The following CELSR1 variants were observed in gnomAD, a reference collection of about 807,000 sequenced individuals.
CELSR1 encodes the protein adhesion G protein-coupled receptor C1.
Under a neutral mutation model 249.1 loss-of-function variants are expected in CELSR1, and 110 were observed. The ratio of observed to expected loss-of-function variants is 0.44; its 90% CI spans 0.38 to 0.52. The LOEUF (loss-of-function observed/expected upper bound fraction) is 0.52, where lower values mean the gene tolerates loss of function less well. Ranked by LOEUF, CELSR1 falls within the 20% of genes least tolerant of loss-of-function variation. The probability of loss-of-function intolerance (pLI) is 0.00; values close to 1 mark genes in which losing one functional copy is unlikely to be tolerated. For missense variants in CELSR1, 4,109 were observed against 4,296.4 expected (o/e 0.96, Z 1.22); for synonymous variants, 2,113 against 1,900.0 (o/e 1.11, Z -2.92).
Position 46,488,565 on chromosome 22 carries a change from A to G in CELSR1, c.3545-24220T>C, listed in dbSNP as rs920516807. 1.3e-5 allele frequency among the ~76,000 whole-genome samples: 2 copies of G among 152,158 alleles called. No individual in the cohort carries two copies. Among genetic ancestry groups the G allele is most frequent in the Non-Finnish European group, 2.9e-5 (2 of 68,018 alleles). Reference sequence around the variant, plus strand: ...AGCCCCACAGGCCTAGCTGAGGGACACAAAAAGAACAAACGCACCCCCCGC... The same window carrying G: ...AGCCCCACAGGCCTAGCTGAGGGACGCAAAAAGAACAAACGCACCCCCCGC... On this transcript the variant is annotated intron_variant, in intron 1 of 34. Coordinates refer to ENST00000674500, the MANE Select transcript of CELSR1 (RefSeq NM_001378328.1). This position sits in a 1 kb window ranked among gnomAD's most constrained non-coding sequence, Gnocchi z 4.7.
Position 46,380,843 on chromosome 22 carries a change from G to T in CELSR1, c.7201C>A (p.Leu2401Met). 1 of 1,612,166 alleles carries T rather than the reference G, an allele frequency of 6.2e-7. No homozygotes were observed. Among genetic ancestry groups the T allele is most frequent in the South Asian group, 1.1e-5 (1 of 91,064 alleles). The change falls in exon 22 of 35, where the codon CTG becomes ATG. Residue 2401 changes from leucine (L) to methionine (M), a missense_variant. Physicochemically the swap from Leu to Met is conservative, Grantham distance 15. Around this residue, in one of 7 missense-constraint regions of CELSR1, gnomAD observed 1,805 missense variants for 1,831.6 expected, o/e 0.99. Coordinates refer to ENST00000674500, the MANE Select transcript of CELSR1 (RefSeq NM_001378328.1). This position sits in a 1 kb window ranked among gnomAD's most constrained non-coding sequence, Gnocchi z 5.1. ...GGCTTGGTTCGCTCCTCCACCTCCA[G>T]CAGGGCGAACTCCACCAGGACGGGC... Reference protein sequence around the residue: ...ERPVLVEFALLEVEERTKPVC... With the variant: ...ERPVLVEFALMEVEERTKPVC...
At chr22:46,366,277 G>C in intron 30 of CELSR1, 109 bp downstream of exon 30, 6 of 760,512 alleles carry the variant, frequency 7.9e-6, no homozygotes, top group South Asian at 1.7e-5. Flanking sequence ...TGGAAAGTTG[G>C]GGGTGGAAGG....
In CELSR1 at chr22:46,534,359, C is replaced by T. The variant is rs1264646470; in HGVS notation, c.2812G>A (p.Asp938Asn). Residue 938 changes from aspartate to asparagine, a missense_variant, in exon 1 of 35, where the codon GAT (aspartate) becomes AAT (asparagine). This residue lies in a region of CELSR1 where 886 missense variants were observed against 896.5 expected (regional missense o/e 0.99). Coordinates refer to ENST00000674500, the MANE Select transcript of CELSR1 (RefSeq NM_001378328.1). The surrounding 1 kb of genome is among the most constrained non-coding windows in gnomAD (Gnocchi z 9.7). ...LYTFQGGDDG[D>N]GDFYIEPTSG... ...GTGGGCTCGATGTAGAAGTCCCCAT[C>T]GCCGTCGTCCCCACCCTGGAAGGTG... 3 of 1,612,910 alleles carry T rather than the reference C, an allele frequency of 1.9e-6. No individual in the cohort carries two copies. The highest frequency in any genetic ancestry group is 2.2e-5 in the East Asian group (1 of 44,886).
chr22:46,414,549 G>A (rs990527393), intron 5 of CELSR1, among the ~76,000 whole-genome samples: 32 of 151,690 alleles, frequency 2.1e-4, no homozygotes, highest in Non-Finnish European at 3.5e-4. Context: ...CCACTCTCCC[G>A]CCTCTCGGCG....
At position 46,373,100 on chromosome 22, in the gene CELSR1, G is replaced by C. The variant is rs780496669; in HGVS notation, c.7585-43C>G. ...GCTCAGCAAGGGCCCCTGCATCCCA[G>C]GCTGAGGTCAGACAGGCATGAGTGA... is the stretch of plus-strand genomic sequence containing the variant. On this transcript the variant is annotated intron_variant, in intron 24 of 34. Coordinates refer to ENST00000674500, the MANE Select transcript of CELSR1 (RefSeq NM_001378328.1). 2.0e-6 allele frequency: 3 copies of C among 1,531,392 alleles called. No homozygotes were observed. The East Asian group carries it at 7.0e-5, about 36-fold the overall frequency. The allele number at this position is 1,531,392 out of a possible 1,614,324, so 94.9% of individuals were successfully genotyped here.
At position 46,411,588 on chromosome 22, in the gene CELSR1, C is replaced by T. The variant is rs1167824410; in HGVS notation, c.4769+14G>A. 6.2e-7 allele frequency: 1 copy of T among 1,613,954 alleles called. No homozygotes were observed. Among genetic ancestry groups the T allele is most frequent in the Non-Finnish European group, 8.5e-7 (1 of 1,179,974 alleles). The stretch of plus-strand genomic sequence containing the variant: ...GGTACGGACCCCCAGGGCCTCCCCT[C>T]CTGGGATGCTCACTTCTTGGAGCCG... On this transcript the variant is annotated intron_variant, in intron 6 of 34. Coordinates refer to ENST00000674500, the MANE Select transcript of CELSR1 (RefSeq NM_001378328.1). The surrounding 1 kb of genome is among the most constrained non-coding windows in gnomAD (Gnocchi z 4.2).
At position 46,427,627 on chromosome 22, in the gene CELSR1, C is replaced by T. The variant is rs2079550518; in HGVS notation, c.4611+5766G>A. Among the ~76,000 whole-genome samples the T allele has an allele frequency of 6.6e-6, 1 of 152,194 alleles. No individual in the cohort carries two copies. Among genetic ancestry groups the T allele is most frequent in the South Asian group, 2.1e-4 (1 of 4,834 alleles). ...CCTCCCCTCATCACCGCACAGAACC[C>T]CACCGCACTGTTGGCAATGGTTGTT... On this transcript the variant is annotated intron_variant, in intron 5 of 34. Transcript: ENST00000674500. This position sits in a 1 kb window ranked among gnomAD's most constrained non-coding sequence, Gnocchi z 4.2.
At position 46,490,507 on chromosome 22, in the gene CELSR1, G is replaced by A. The variant is rs58583298; in HGVS notation, c.3545-26162C>T. ...TCACCATGTTGGTCAGGCTGGTCTC[G>A]AACTCCTGACCGCAGGCGAGCCGCC... On this transcript the variant is annotated intron_variant, in intron 1 of 34. Transcript: ENST00000674500. This position sits in a 1 kb window ranked among gnomAD's most constrained non-coding sequence, Gnocchi z 5.2. Among the ~76,000 whole-genome samples, 9 of 151,956 alleles carry A rather than the reference G, an allele frequency of 5.9e-5. No homozygotes were observed. The East Asian group carries it at 1.4e-3, about 23-fold the overall frequency.
chr22:46,391,719 T>C lies in CELSR1; in HGVS notation c.6062A>G (p.Gln2021Arg), dbSNP rs2079094311. 6.2e-7 allele frequency: 1 copy of C among 1,611,708 alleles called. No individual in the cohort carries two copies. Among genetic ancestry groups the C allele is most frequent in the East Asian group, 2.2e-5 (1 of 44,872 alleles). The change falls in exon 15 of 35, where the codon CAG becomes CGG. Residue 2021 changes from glutamine (Q) to arginine (R), a missense_variant. Gln to Arg is a conservative substitution (Grantham distance 43). This residue lies in a region of CELSR1 where 1,805 missense variants were observed against 1,831.6 expected (regional missense o/e 0.99). Transcript: ENST00000674500. The surrounding 1 kb of genome is among the most constrained non-coding windows in gnomAD (Gnocchi z 4.3). ...GATGACGCCGGGCTTGCAGGCACAC[T>C]GCCCGGTGGCCATGTCGCAAGTGCG... Reference protein sequence around the residue: ...HSRTCDMATGQCACKPGVIGR... With the variant: ...HSRTCDMATGRCACKPGVIGR...
Position 46,408,510 on chromosome 22 carries a change from T to C in CELSR1, c.5226+486A>G, listed in dbSNP as rs1226894128. Among the ~76,000 whole-genome samples the C allele has an allele frequency of 6.6e-6, 1 of 152,200 alleles. No homozygotes were observed. The highest frequency in any genetic ancestry group is 1.5e-5 in the Non-Finnish European group (1 of 68,028). On this transcript the variant is annotated intron_variant, in intron 9 of 34. Transcript: ENST00000674500. The surrounding 1 kb of genome is among the most constrained non-coding windows in gnomAD (Gnocchi z 4.6). ...CCAAGCCTGGCTAATTTTTTTTGTA[T>C]TTTTAGTAGAGATGGGGTTTCACCA...
At position 46,381,913 on chromosome 22, in the gene CELSR1, C is replaced by T; in HGVS notation, c.7021G>A (p.Val2341Ile). 6.4e-7 allele frequency: 1 copy of T among 1,574,412 alleles called. No homozygotes were observed. Among genetic ancestry groups the T allele is most frequent in the South Asian group, 1.2e-5 (1 of 85,870 alleles). The change falls in exon 21 of 35, where the codon GTC becomes ATC. Residue 2341 changes from valine to isoleucine, a missense_variant. By Grantham distance (29) the Val-to-Ile change is conservative. This residue lies in a region of CELSR1 where 1,805 missense variants were observed against 1,831.6 expected (regional missense o/e 0.99). Coordinates refer to ENST00000674500, the MANE Select transcript of CELSR1 (RefSeq NM_001378328.1). This position sits in a 1 kb window ranked among gnomAD's most constrained non-coding sequence, Gnocchi z 6.0. ...DDAGQFAVAL[V>I]IIYRTLGQLL... Reference sequence around the variant, plus strand: ...TGCCCCAGGGTGCGGTAAATGATGACCAGAGCGACGGCGAACTGGCCAGCG... The same window carrying T: ...TGCCCCAGGGTGCGGTAAATGATGATCAGAGCGACGGCGAACTGGCCAGCG...
At position 46,409,674 on chromosome 22, in the gene CELSR1, T is replaced by C; in HGVS notation, c.5059+81A>G. ...TGCCGGACCTGGATGTGAAGCCCCC[T>C]CACGGTGGTCCCGGGCACATCAAGG... On this transcript the variant is annotated intron_variant, in intron 8 of 34. Transcript: ENST00000674500. The surrounding 1 kb of genome is among the most constrained non-coding windows in gnomAD (Gnocchi z 9.8). The C allele has an allele frequency of 1.9e-6, 3 of 1,558,236 alleles. No homozygotes were observed. The highest frequency in any genetic ancestry group is 2.6e-6 in the Non-Finnish European group (3 of 1,143,830).
intron 3 of CELSR1, among the ~76,000 whole-genome samples, chr22:46,438,086 C>T (rs926446894): frequency 4.6e-5 from 7 of 151,910 alleles, no homozygotes; most frequent in South Asian, 4.2e-4. Context: ...ACACCGCTGG[C>T]GACGGAGCAA....
chr22:46,370,462 T>C (rs1216769242), intron 25 of CELSR1, among the ~76,000 whole-genome samples: 2 of 152,004 alleles, frequency 1.3e-5, no homozygotes, highest in Non-Finnish European at 2.9e-5. Flanking sequence ...CCGAGCCTGC[T>C]ATACGAGCTG....
At chr22:46,515,883 A>G (rs941000689) in intron 1 of CELSR1, among the ~76,000 whole-genome samples, 6 of 152,228 alleles carry the variant, frequency 3.9e-5, no homozygotes, top group Admixed American at 2.6e-4. Flanking sequence ...AGTTCAGAGA[A>G]ATGCAAATCA....
rs571006178 is a variant in CELSR1, at chr22:46,410,548, T to A, written c.4783A>T (p.Thr1595Ser). Reference sequence around the variant, plus strand: ...ACACCCCCCAGGAGTAGAGGGCCGGTCAGATCCAGGGACCTGGGTAGGTAA... The same window carrying A: ...ACACCCCCCAGGAGTAGAGGGCCGGACAGATCCAGGGACCTGGGTAGGTAA... ...QTGSKKSLDLTGPLLLGGVPN... is the reference protein window; with the variant it reads ...QTGSKKSLDLSGPLLLGGVPN... The change falls in exon 7 of 35, where the codon ACC becomes TCC. Residue 1595 changes from threonine (T) to serine (S), a missense_variant. Physicochemically the swap from Thr to Ser is moderately conservative, Grantham distance 58. Around this residue, in one of 7 missense-constraint regions of CELSR1, gnomAD observed 453 missense variants for 492.0 expected, o/e 0.92. Transcript: ENST00000674500. The surrounding 1 kb of genome is among the most constrained non-coding windows in gnomAD (Gnocchi z 6.8). 2 of 1,613,660 alleles carry A rather than the reference T, an allele frequency of 1.2e-6. No homozygotes were observed. The highest frequency in any genetic ancestry group is 2.7e-5 in the African/African-American group (2 of 74,976).
intron 1 of CELSR1, among the ~76,000 whole-genome samples, chr22:46,489,831 G>A (rs2080350492): frequency 1.3e-5 from 2 of 151,214 alleles, no homozygotes; most frequent in South Asian, 2.1e-4. Flanking sequence ...GGAGACAGAG[G>A]TTGCAGTGAG....
Position 46,426,753 on chromosome 22 carries a change from C to T in CELSR1, c.4611+6640G>A, listed in dbSNP as rs563094066. Among the ~76,000 whole-genome samples, 21 of 152,266 alleles carry T rather than the reference C, an allele frequency of 1.4e-4. No homozygotes were observed. In the South Asian group the frequency reaches 4.3e-3, roughly 32 times the overall value. ...GAGCCCCTCAAGAATGGGATAAGGG[C>T]CTCAATAAAAGGGCCCATGGGAGTG... On this transcript the variant is annotated intron_variant, in intron 5 of 34. Coordinates refer to ENST00000674500, the MANE Select transcript of CELSR1 (RefSeq NM_001378328.1).
intron 1 of CELSR1, among the ~76,000 whole-genome samples, chr22:46,502,238 G>C (rs1345871751): frequency 6.8e-6 from 1 of 146,424 alleles, no homozygotes. Context: ...ACTCCAGCCT[G>C]GGTGACAGAG....
Sources: allele counts gnomAD v4.1 joint callset (sites outside exome capture counted in the v4.1 genomes callset), GRCh38; gene constraint gnomAD v4.1.1; regional missense constraint gnomAD v4.1.1; non-coding constraint Gnocchi (gnomAD v3.1); transcripts MANE v1.5; gene names NCBI Gene and HGNC (gene_info 2026-07-23, HGNC 2026-07-21).